SANBR: variants seen among roughly 807,000 people sequenced by gnomAD.
The protein encoded by SANBR is SANT and BTB domain regulator of class switch recombination.
SANBR carries 77 observed loss-of-function variants against 101.8 expected under a neutral mutation model. The observed-to-expected ratio is 0.76, with a 90% CI of 0.63 to 0.91. SANBR has a LOEUF of 0.91. Ranked by LOEUF, SANBR falls within the 40% of genes least tolerant of loss-of-function variation. The pLI, the probability that SANBR is intolerant of heterozygous loss-of-function variation, is 0.00. For synonymous variants in SANBR, 279 were observed against 274.7 expected (o/e 1.02, Z -0.15); for missense variants, 875 against 853.0 (o/e 1.03, Z -0.32).
At chr2:61,120,334 C>T (rs139513171) in intron 20 of SANBR, among the ~76,000 whole-genome samples, 1,759 of 152,192 alleles carry the variant, frequency 0.012, 39 homozygotes, top group Non-Finnish European at 0.011. Context: ...ACCCCGTCTC[C>T]ACTAAAAATA....
At chr2:61,070,586 T>A in intron 3 of SANBR, 86 bp downstream of exon 3, 2 of 1,318,278 alleles carry the variant, frequency 1.5e-6, no homozygotes, top group Non-Finnish European at 2.1e-6. Flanking sequence ...GAGAAAAATA[T>A]TTGAGTTTTA....
intron 20 of SANBR, among the ~76,000 whole-genome samples, chr2:61,129,294 A>G (rs1036898052): frequency 6.6e-6 from 1 of 151,916 alleles, no homozygotes; most frequent in African/African-American, 2.4e-5. Flanking sequence ...AAATACAAAA[A>G]TTATCCAGGT....
intron 7 of SANBR, 103 bp downstream of exon 7, chr2:61,081,613 A>C: frequency 8.2e-7 from 1 of 1,218,884 alleles, no homozygotes; most frequent in Non-Finnish European, 1.1e-6. Flanking sequence ...ATTATTGTTA[A>C]TTGAAAAAAC....
At chr2:61,108,166 T>TCACTTTTA in intron 14 of SANBR, 151 bp from the exon 15 acceptor site, 6 of 450,554 alleles carry the variant, frequency 1.3e-5, no homozygotes, top group Non-Finnish European at 2.4e-5. Flanking sequence ...CTGTAACATA[T>TCACTTTTA]CACTTTCAGC....
chr2:61,080,713 C>G (rs1280745194), intron 6 of SANBR, among the ~76,000 whole-genome samples: 1 of 151,468 alleles, frequency 6.6e-6, no homozygotes, highest in East Asian at 1.9e-4. Flanking sequence ...GAGTGAGACT[C>G]CATCTCAAAA....
At chr2:61,081,250 TA>T (rs1682107958) in intron 6 of SANBR, among the ~76,000 whole-genome samples, 1 of 152,116 alleles carries the variant, frequency 6.6e-6, no homozygotes, top group Non-Finnish European at 1.5e-5. Flanking sequence ...AACGCCAGGG[TA>T]AATTTATTGT....
At position 61,122,805 on chromosome 2, in the gene SANBR, T is replaced by C; in HGVS notation, c.*643T>C. On this transcript the variant is annotated 3_prime_UTR_variant, in exon 22 of 22. Coordinates refer to ENST00000402291, the MANE Select transcript of SANBR (RefSeq NM_001129993.3). ...TTTTTTTTCTTTCAGTTTTTAATGC[T>C]TATCTATTGATCATCTGAGCTGGAA... is the stretch of plus-strand genomic sequence containing the variant. 3.0e-6 allele frequency: 3 copies of C among 985,412 alleles called. No individual in the cohort carries two copies. The highest frequency in any genetic ancestry group is 3.6e-6 in the Non-Finnish European group (3 of 829,798). The allele number at this position is 985,412 out of a possible 1,614,324, so 61.0% of individuals were successfully genotyped here. A position where few individuals can be genotyped will look rare whatever the true frequency, so the allele number is the denominator to read the frequency against.
At chr2:61,111,307 G>C (rs900827318) in intron 16 of SANBR, among the ~76,000 whole-genome samples, 1 of 152,020 alleles carries the variant, frequency 6.6e-6, no homozygotes, top group African/African-American at 2.4e-5. Flanking sequence ...GCAGGAAAAT[G>C]GTGTGAACCT....
intron 11 of SANBR, among the ~76,000 whole-genome samples, chr2:61,097,015 G>GTGGT (rs1195104298): frequency 1.3e-5 from 2 of 152,096 alleles, no homozygotes; most frequent in Non-Finnish European, 2.9e-5. Context: ...CTAGCCAGGT[G>GTGGT]TGGTTGTGCG....
At chr2:61,075,180 GTCTC>G (rs1184023984) in intron 5 of SANBR, 1 of 152,414 alleles carries the variant, frequency 6.6e-6, no homozygotes, top group Non-Finnish European at 1.5e-5. Context: ...AGGACAGTGT[GTCTC>G]TCTCTGTTCT....
intron 10 of SANBR, 112 bp downstream of exon 10, chr2:61,088,580 TGTG>T: frequency 2.9e-6 from 2 of 679,208 alleles, no homozygotes; most frequent in Non-Finnish European, 4.5e-6. Flanking sequence ...CGTGCAGTGG[TGTG>T]GTCTTGGCTG....
Position 61,088,187 on chromosome 2 carries a change from CTGTT to C in SANBR, c.922_925del (p.Phe308IlefsTer5), listed in dbSNP as rs1682545849. On this transcript the variant is annotated frameshift_variant, in exon 9 of 22. Transcript: ENST00000402291. LOFTEE classifies it high-confidence loss of function. ...ACTTTTTTGTAAGAAGATTGAAAGACTGTTTGATCCTGAGTACTTGAATCCAGAT... is the reference window on the plus strand; with the variant it reads ...ACTTTTTTGTAAGAAGATTGAAAGACTGATCCTGAGTACTTGAATCCAGAT... The C allele has an allele frequency of 2.5e-6, 4 of 1,605,576 alleles. No homozygotes were observed. Among genetic ancestry groups the C allele is most frequent in the Non-Finnish European group, 3.4e-6 (4 of 1,177,352 alleles).
chr2:61,115,034 T>A (rs987639655), intron 16 of SANBR, among the ~76,000 whole-genome samples: 1 of 152,214 alleles, frequency 6.6e-6, no homozygotes, highest in Non-Finnish European at 1.5e-5. Flanking sequence ...TATGTATTTT[T>A]CAGGTTTTGA....
At chr2:61,072,556 G>A (rs1347161753) in intron 4 of SANBR, among the ~76,000 whole-genome samples, 3 of 152,092 alleles carry the variant, frequency 2.0e-5, no homozygotes, top group Non-Finnish European at 4.4e-5. Flanking sequence ...CAGCCTAGGT[G>A]TCTGAGCAAG....
At chr2:61,078,267 C>G (rs189108342) in intron 6 of SANBR, among the ~76,000 whole-genome samples, 1 of 152,256 alleles carries the variant, frequency 6.6e-6, no homozygotes, top group Admixed American at 6.5e-5. Flanking sequence ...TGATACAGTT[C>G]AGATACATTG....
chr2:61,114,646 C>T (rs1223748207), intron 16 of SANBR, among the ~76,000 whole-genome samples: 1 of 152,038 alleles, frequency 6.6e-6, no homozygotes, highest in Non-Finnish European at 1.5e-5. Context: ...TATATACATG[C>T]ATGTGTATAT....
At chr2:61,108,528 C>T (rs906024915) in intron 15 of SANBR, among the ~76,000 whole-genome samples, 179 bp downstream of exon 15, 5 of 152,184 alleles carry the variant, frequency 3.3e-5, no homozygotes, top group African/African-American at 1.2e-4. Context: ...AAGACAGACT[C>T]ATATTCCATG....
chr2:61,131,349 C>T (rs1684683507), intron 20 of SANBR, among the ~76,000 whole-genome samples: 1 of 152,004 alleles, frequency 6.6e-6, no homozygotes, highest in Non-Finnish European at 1.5e-5. Flanking sequence ...TTCAGCAATA[C>T]TTCAGGATAT....
chr2:61,118,005 G>C (rs775424602), intron 19 of SANBR, 23 bp from the exon 20 acceptor site: 7 of 1,578,700 alleles, frequency 4.4e-6, no homozygotes, highest in Admixed American at 1.7e-5. Context: ...GAAAAGTAAA[G>C]TTTACTGTTT....
Sources: gnomAD v4.1 joint callset for allele counts (sites outside exome capture counted in the v4.1 genomes callset) on GRCh38, gnomAD v4.1.1 for gene constraint, MANE v1.5 for transcripts, NCBI Gene and HGNC (gene_info 2026-07-23, HGNC 2026-07-21) for gene names.